Variants in PCF11 observed in about 807,000 individuals in gnomAD.
PCF11 encodes the protein pre-mRNA cleavage complex 2 protein Pcf11.
Under a neutral mutation model 166.1 loss-of-function variants are expected in PCF11, and 19 were observed. The ratio of observed to expected loss-of-function variants is 0.11; its 90% CI spans 0.08 to 0.17. The LOEUF is 0.17. Ranked by LOEUF, PCF11 falls within the 10% of genes least tolerant of loss-of-function variation. The probability of loss-of-function intolerance (pLI) is 1.00; values close to 1 mark genes in which losing one functional copy is unlikely to be tolerated. For synonymous variants in PCF11, 663 were observed against 644.1 expected, an observed-to-expected ratio of 1.03 and a Z score of -0.44; for missense variants, 1,565 against 1,855.5, an observed-to-expected ratio of 0.84 and a Z score of 2.88.
chr11:83,168,628 C>G, exon 8 of PCF11: 2 of 1,613,834 alleles, frequency 1.2e-6, no homozygotes, highest in Non-Finnish European at 1.7e-6. Flanking sequence ...AAGAGATGGC[C>G]CAACGAAGAT....
intron 9 of PCF11, among the ~76,000 whole-genome samples, chr11:83,174,571 C>T (rs1209471869): frequency 3.3e-5 from 5 of 150,498 alleles, no homozygotes; most frequent in Non-Finnish European, 7.4e-5. Context: ...TTTGGTTTAA[C>T]AAAAAACACA....
intron 2 of PCF11, among the ~76,000 whole-genome samples, chr11:83,161,741 T>C (rs914419704): frequency 6.6e-6 from 1 of 152,228 alleles, no homozygotes; most frequent in African/African-American, 2.4e-5. Flanking sequence ...GTTTCATCAC[T>C]TACAAACCAG....
chr11:83,169,414 G>A (rs1860597867), exon 8 of PCF11: 6 of 1,613,720 alleles, frequency 3.7e-6, no homozygotes, highest in Non-Finnish European at 3.4e-6. Flanking sequence ...TCTGGGTCAA[G>A]GTGGTCCAAG....
At chr11:83,165,640 G>C (rs773946716) in exon 5 of PCF11, 1 of 1,612,346 alleles carries the variant, frequency 6.2e-7, no homozygotes. Flanking sequence ...TCCAATTTAG[G>C]TCCTGGATCT....
Position 83,169,502 on chromosome 11 carries a change from A to C in PCF11, c.3167A>C (p.His1056Pro), listed in dbSNP as rs375348326. 1.9e-5 allele frequency: 30 copies of C among 1,613,912 alleles called. No homozygotes were observed. In the African/African-American group the frequency reaches 3.6e-4, roughly 19 times the overall value. ...CTCTTGCCAAGATTTGATGGATTAC[A>C]TGGTCAGCCAGGTCCTAGATTTGAA... Residue 1056 changes from histidine (H) to proline (P), a missense_variant, in exon 8 of 16, where the codon CAT (histidine) becomes CCT (proline). His to Pro is a moderately conservative substitution (Grantham distance 77). This residue lies in a region of PCF11 where 725 missense variants were observed against 749.3 expected (regional missense o/e 0.97). Transcript: ENST00000298281.
rs1321358077 is a variant in PCF11 at position 83,160,517 on chromosome 11, ATTTCT to A, written c.193-807_193-803del. Among the ~76,000 whole-genome samples, 6 of 151,944 alleles carry A rather than the reference ATTTCT, an allele frequency of 3.9e-5. No individual in the cohort carries two copies. The South Asian group carries it at 6.2e-4, about 16-fold the overall frequency. On this transcript the variant is annotated intron_variant, in intron 1 of 15. Transcript: ENST00000298281. ...GGCATTGCAGTTGAACTGGGGCAAC[ATTTCT>A]TTACTTTGGAAAGGGCCACCTGTAT...
Position 83,167,591 on chromosome 11 carries a change from A to G in PCF11, c.2092+86A>G. 6.5e-7 allele frequency: 1 copy of G among 1,548,088 alleles called. No homozygotes were observed. Among genetic ancestry groups the G allele is most frequent in the South Asian group, 1.2e-5 (1 of 83,902 alleles). On this transcript the variant is annotated intron_variant, in intron 7 of 15. Coordinates refer to ENST00000298281, the Ensembl canonical transcript of PCF11. The surrounding 1 kb of genome is among the most constrained non-coding windows in gnomAD (Gnocchi z 4.2). ...AGAAACCTCTCTTATCTGATGCTGA[A>G]TTAACCTACTATGAACATAAAGCAA...
intron 14 of PCF11, 25 bp downstream of exon 14, chr11:83,182,516 A>G: frequency 8.8e-7 from 1 of 1,136,498 alleles, no homozygotes; most frequent in Non-Finnish European, 1.3e-6. Context: ...TTTATAAGGA[A>G]GTGTTAAGAT....
chr11:83,177,837 C>A lies in PCF11; in HGVS notation c.3983+18C>A. The A allele has an allele frequency of 7.9e-7, 1 of 1,273,184 alleles. No homozygotes were observed. The highest frequency in any genetic ancestry group is 1.1e-6 in the Non-Finnish European group (1 of 910,848). The allele number at this position is 1,273,184 out of a possible 1,614,324, so 78.9% of individuals were successfully genotyped here. Reference sequence around the variant, plus strand: ...TTGAAACAGTATGTAATCTAATTTTCTTTAAGATAAAGAGGCAGTGACTTT... The same window carrying A: ...TTGAAACAGTATGTAATCTAATTTTATTTAAGATAAAGAGGCAGTGACTTT... On this transcript the variant is annotated intron_variant, in intron 11 of 15. Coordinates refer to ENST00000298281, the Ensembl canonical transcript of PCF11.
exon 5 of PCF11, chr11:83,166,652 A>G (rs769565559): frequency 2.1e-5 from 33 of 1,606,630 alleles, no homozygotes; most frequent in Non-Finnish European, 2.4e-5. Flanking sequence ...AGGAGAATGT[A>G]GAAAACTGGC....
In PCF11 at chr11:83,163,531, C is replaced by T. The variant is rs567843663; in HGVS notation, c.319-148C>T. On this transcript the variant is annotated intron_variant, in intron 2 of 15. Coordinates refer to ENST00000298281, the Ensembl canonical transcript of PCF11. Reference sequence around the variant, plus strand: ...ACTCTGTTTTTGAAGGAGAAATGCACCTTTAATAAATTATTACTGTTGTAT... The same window carrying T: ...ACTCTGTTTTTGAAGGAGAAATGCATCTTTAATAAATTATTACTGTTGTAT... The T allele has an allele frequency of 5.7e-3, 2,036 of 355,962 alleles. 8 individuals carry two copies. Among genetic ancestry groups the T allele is most frequent in the Non-Finnish European group, 7.9e-3 (1,552 of 197,214 alleles). 22.1% of individuals were successfully genotyped at this position (355,962 alleles called of 1,614,324 possible).
chr11:83,175,879 C>G (rs1225642501), intron 9 of PCF11, among the ~76,000 whole-genome samples: 1 of 152,236 alleles, frequency 6.6e-6, no homozygotes, highest in Admixed American at 6.5e-5. Flanking sequence ...TTAGGCTTAT[C>G]TTATTTATTC....
chr11:83,163,832 A>G, exon 3 of PCF11: 7 of 1,558,740 alleles, frequency 4.5e-6, no homozygotes, highest in East Asian at 2.3e-5. Context: ...GAATACGTCT[A>G]GCATCCATGT....
chr11:83,160,283 T>C (rs1860181559), intron 1 of PCF11, among the ~76,000 whole-genome samples: 1 of 150,730 alleles, frequency 6.6e-6, no homozygotes. Context: ...GGGTTAAGAT[T>C]CCTATACACG....
chr11:83,176,992 A>G (rs1268088711), intron 9 of PCF11, 93 bp from the exon 10 acceptor site: 1 of 883,080 alleles, frequency 1.1e-6, no homozygotes, highest in East Asian at 3.3e-5. Context: ...CATCTTGAAG[A>G]AAACTTTGAA....
At chr11:83,165,620 G>A (rs1860420221) in exon 5 of PCF11, 1 of 1,611,572 alleles carries the variant, frequency 6.2e-7, no homozygotes, top group African/African-American at 1.3e-5. Flanking sequence ...TTAGTGTTCA[G>A]CAGGAAACAT....
chr11:83,162,999 T>C (rs1272146168), intron 2 of PCF11, among the ~76,000 whole-genome samples: 1 of 152,160 alleles, frequency 6.6e-6, no homozygotes, highest in Non-Finnish European at 1.5e-5. Context: ...GGTCTTGAAC[T>C]CCCTCAGGTG....
Position 83,163,868 on chromosome 11 carries a change from G to A in PCF11, c.507+1G>A. ...GAATCCTAAATTTTTAAATAAATCG[G>A]TAAGTTTTAATATGAATAGTAAGTA... On this transcript the variant is annotated splice_donor_variant, in intron 3 of 15. Transcript: ENST00000298281. LOFTEE classifies it high-confidence loss of function. 1.4e-6 allele frequency: 2 copies of A among 1,420,218 alleles called. No individual in the cohort carries two copies. Among genetic ancestry groups the A allele is most frequent in the South Asian group, 2.7e-5 (2 of 72,848 alleles). The allele number at this position is 1,420,218 out of a possible 1,614,324, so 88.0% of individuals were successfully genotyped here.
At chr11:83,168,486 A>G in exon 8 of PCF11, 2 of 1,613,488 alleles carry the variant, frequency 1.2e-6, no homozygotes, top group Non-Finnish European at 8.5e-7. Flanking sequence ...AGCGACCTCG[A>G]TATGAAGATT....
Sources: allele counts gnomAD v4.1 joint callset (sites outside exome capture counted in the v4.1 genomes callset), GRCh38; gene constraint gnomAD v4.1.1; regional missense constraint gnomAD v4.1.1; non-coding constraint Gnocchi (gnomAD v3.1); transcripts MANE v1.5; gene names NCBI Gene and HGNC (gene_info 2026-07-23, HGNC 2026-07-21).